The following RBM27 variants were observed in gnomAD, a reference collection of about 807,000 sequenced individuals.
The protein encoded by RBM27 is RNA-binding protein 27.
A neutral mutation model predicts 135.3 loss-of-function variants in RBM27; 22 were observed. The observed-to-expected ratio is 0.16, with a 90% CI of 0.12 to 0.23. RBM27 has a LOEUF of 0.23. RBM27 is among the 10% of genes least tolerant of loss of function. The pLI, the probability that RBM27 is intolerant of heterozygous loss-of-function variation, is 1.00. For missense variants in RBM27, 1,009 were observed against 1,281.0 expected, an observed-to-expected ratio of 0.79 and a Z score of 3.24; for synonymous variants, 481 against 442.4, an observed-to-expected ratio of 1.09 and a Z score of -1.10.
At chr5:146,231,180 G>C (rs1029922889) in intron 6 of RBM27, among the ~76,000 whole-genome samples, 1 of 152,032 alleles carries the variant, frequency 6.6e-6, no homozygotes, top group Non-Finnish European at 1.5e-5. Context: ...AACTCATGGG[G>C]AATGTTGTTT....
intron 8 of RBM27, among the ~76,000 whole-genome samples, chr5:146,246,895 G>T (rs1418183767): frequency 1.4e-5 from 2 of 140,478 alleles, no homozygotes; most frequent in African/African-American, 5.3e-5. Context: ...ACAAGGTCTT[G>T]CTCTGTCACC....
intron 1 of RBM27, among the ~76,000 whole-genome samples, chr5:146,212,212 C>T (rs1381297823): frequency 3.9e-5 from 6 of 152,186 alleles, no homozygotes; most frequent in South Asian, 4.1e-4. Flanking sequence ...CGCGCCACCA[C>T]GCCTGGCTAA....
At chr5:146,269,629 T>G in intron 17 of RBM27, 45 bp downstream of exon 17, 5 of 1,351,650 alleles carry the variant, frequency 3.7e-6, no homozygotes, top group Non-Finnish European at 4.9e-6. Flanking sequence ...ATTGAACATC[T>G]GCCATGTGCT....
intron 10 of RBM27, among the ~76,000 whole-genome samples, chr5:146,255,404 A>G (rs903069562): frequency 2.0e-5 from 3 of 152,210 alleles, no homozygotes; most frequent in Non-Finnish European, 4.4e-5. Context: ...TATTGTGTAT[A>G]GAAAGATGAA....
chr5:146,284,684 G>A lies in RBM27; in HGVS notation c.3051G>A (p.Lys1017=), dbSNP rs1759512938. 9.9e-6 allele frequency: 16 copies of A among 1,613,354 alleles called. No individual in the cohort carries two copies. The highest frequency in any genetic ancestry group is 1.4e-5 in the Non-Finnish European group (16 of 1,179,580). The change falls in exon 20 of 21, where the codon AAG becomes AAA. Residue 1017 remains lysine, a synonymous_variant. Transcript: ENST00000265271. ...RRLQISWHKP[K]VPSISTETEE... The stretch of plus-strand genomic sequence containing the variant: ...TACAGATATCATGGCACAAGCCCAA[G>A]GTACCATCTATATCCACTGAGACTG...
chr5:146,206,739 C>T (rs1755693384), intron 1 of RBM27, among the ~76,000 whole-genome samples: 1 of 151,924 alleles, frequency 6.6e-6, no homozygotes, highest in Admixed American at 6.6e-5. Flanking sequence ...TGCCACCATG[C>T]CCGGCTAATT....
chr5:146,208,503 C>CA (rs1454033045), intron 1 of RBM27, among the ~76,000 whole-genome samples: 1 of 151,782 alleles, frequency 6.6e-6, no homozygotes, highest in Non-Finnish European at 1.5e-5. Context: ...ACCAATATCT[C>CA]AGTCGAGAAG....
intron 8 of RBM27, among the ~76,000 whole-genome samples, chr5:146,240,759 G>A (rs927919716): frequency 1.3e-5 from 2 of 151,884 alleles, no homozygotes; most frequent in Non-Finnish European, 2.9e-5. Flanking sequence ...TCTACAGAAC[G>A]GAAATCACAT....
chr5:146,270,223 G>C (rs537313137), intron 17 of RBM27, among the ~76,000 whole-genome samples: 1 of 152,176 alleles, frequency 6.6e-6, no homozygotes, highest in East Asian at 1.9e-4. Context: ...ACTTGGTTTA[G>C]TCAGTGGTTC....
In RBM27 at chr5:146,217,478, T is replaced by G. The variant is rs1311906512; in HGVS notation, c.60-1507T>G. On this transcript the variant is annotated intron_variant, in intron 1 of 20. Transcript: ENST00000265271. ...AGCTGAAGCCTGTTTTTTTTTTTTT[T>G]TTTTTTTTTTTTTGGAGACAAGGTC... Among the ~76,000 whole-genome samples, 3 of 137,534 alleles carry G rather than the reference T, an allele frequency of 2.2e-5. No homozygotes were observed. The East Asian group carries it at 6.3e-4, about 29-fold the overall frequency. 90.2% of individuals were successfully genotyped at this position (137,534 alleles called of 152,430 possible).
At chr5:146,219,695 C>A (rs34444119) in intron 2 of RBM27, among the ~76,000 whole-genome samples, 1 of 151,716 alleles carries the variant, frequency 6.6e-6, no homozygotes, top group Non-Finnish European at 1.5e-5. Context: ...CCAACTCAGG[C>A]CCTTTGAACT....
At position 146,252,907 on chromosome 5, in the gene RBM27, A is replaced by G. The variant is rs528107629; in HGVS notation, c.1444+1032A>G. 1.6e-4 allele frequency among the ~76,000 whole-genome samples: 25 copies of G among 152,358 alleles called. 2 individuals carry two copies. In the South Asian group the frequency reaches 5.2e-3, roughly 32 times the overall value. On this transcript the variant is annotated intron_variant, in intron 9 of 20. Transcript: ENST00000265271. ...AGAACAAAAGCTAAAATAATTAAGT[A>G]TGAAGCCCCCAAAATACTCTTTGGC...
intron 1 of RBM27, among the ~76,000 whole-genome samples, chr5:146,216,809 C>G (rs546228025): frequency 3.4e-4 from 52 of 152,240 alleles, no homozygotes; most frequent in Non-Finnish European, 5.0e-4. Context: ...AGGTGTGCGC[C>G]ACCATGCCTG....
intron 8 of RBM27, among the ~76,000 whole-genome samples, chr5:146,240,832 A>G (rs1311574460): frequency 1.3e-5 from 2 of 152,082 alleles, no homozygotes; most frequent in East Asian, 1.9e-4. Flanking sequence ...TCTGATTGCT[A>G]TAGCGTCTTT....
intron 19 of RBM27, among the ~76,000 whole-genome samples, chr5:146,280,484 C>T (rs1759290875): frequency 6.6e-6 from 1 of 152,232 alleles, no homozygotes; most frequent in African/African-American, 2.4e-5. Context: ...ACCTATACCT[C>T]AGGTCAAGAA....
intron 1 of RBM27, among the ~76,000 whole-genome samples, chr5:146,208,681 A>G (rs556143601): frequency 1.2e-3 from 179 of 152,302 alleles, no homozygotes; most frequent in Non-Finnish European, 2.0e-3. Context: ...ATAACTGCTC[A>G]TTGTAAGAAT....
In RBM27 at chr5:146,261,267, G is replaced by A. The variant is rs903581944; in HGVS notation, c.1894-243G>A. 9 of 562,448 alleles carry A rather than the reference G, an allele frequency of 1.6e-5. No individual in the cohort carries two copies. The Admixed American group carries it at 2.6e-4, about 17-fold the overall frequency. The allele number at this position is 562,448 out of a possible 1,614,324, so 34.8% of individuals were successfully genotyped here. A position where few individuals can be genotyped will look rare whatever the true frequency, so the allele number is the denominator to read the frequency against. ...CATGGCAGACAGAGAAAGAGAAAGA[G>A]GGGGTCAGGGCAGATCTCTTTCTCT... On this transcript the variant is annotated intron_variant, in intron 12 of 20. Coordinates refer to ENST00000265271, the MANE Select transcript of RBM27 (RefSeq NM_018989.2).
chr5:146,253,388 T>A (rs1757976344), intron 9 of RBM27, among the ~76,000 whole-genome samples: 1 of 152,150 alleles, frequency 6.6e-6, no homozygotes. Flanking sequence ...AGGAATGTCA[T>A]TGTGATAATA....
At chr5:146,272,883 T>C (rs1333572765) in intron 19 of RBM27, among the ~76,000 whole-genome samples, 1 of 152,198 alleles carries the variant, frequency 6.6e-6, no homozygotes, top group Non-Finnish European at 1.5e-5. Flanking sequence ...TCCTCTGGGT[T>C]GTGAATGGTT....
Sources: allele counts gnomAD v4.1 joint callset (sites outside exome capture counted in the v4.1 genomes callset), GRCh38; gene constraint gnomAD v4.1.1; transcripts MANE v1.5; gene names NCBI Gene and HGNC (gene_info 2026-07-23, HGNC 2026-07-21).